Variants in CARS1 observed in about 807,000 individuals in gnomAD.
The protein encoded by CARS1 is cysteinyl-tRNA synthetase 1.
Under a neutral mutation model 106.2 loss-of-function variants are expected in CARS1, and 48 were observed. The observed-to-expected ratio is 0.45, with a 90% CI of 0.36 to 0.57. The LOEUF (loss-of-function observed/expected upper bound fraction) is 0.57, where lower values mean the gene tolerates loss of function less well. Ranked by LOEUF, CARS1 falls within the 20% of genes least tolerant of loss-of-function variation. The probability of loss-of-function intolerance (pLI) is 0.00; values close to 1 mark genes in which losing one functional copy is unlikely to be tolerated. For missense variants in CARS1, 968 were observed against 1,057.2 expected (o/e 0.92, Z 1.17); for synonymous variants, 409 against 403.4 (o/e 1.01, Z -0.17).
In CARS1 at chr11:3,039,289, T is replaced by C; in HGVS notation, c.556A>G (p.Ile186Val). The change falls in exon 6 of 23, where the codon ATC becomes GTC. Residue 186 changes from isoleucine to valine, a missense_variant. Transcript: ENST00000380525. This position sits in a 1 kb window ranked among gnomAD's most constrained non-coding sequence, Gnocchi z 5.6. ...AGGTGGTTCTGCCGGGCCCTCTTGATGATCTGGGGAGGGAAGGCAGACATT... is the reference window on the plus strand; with the variant it reads ...AGGTGGTTCTGCCGGGCCCTCTTGACGATCTGGGGAGGGAAGGCAGACATT... ...MNITDIDDKI[I>V]KRARQNHLFE... The C allele has an allele frequency of 6.2e-7, 1 of 1,605,948 alleles. No homozygotes were observed. The highest frequency in any genetic ancestry group is 2.2e-5 in the East Asian group (1 of 44,828).
In CARS1 at chr11:3,043,901, G is replaced by A. The variant is rs970360842; in HGVS notation, c.275-1645C>T. Among the ~76,000 whole-genome samples the A allele has an allele frequency of 4.6e-5, 7 of 152,190 alleles. No homozygotes were observed. The highest frequency in any genetic ancestry group is 1.7e-4 in the African/African-American group (7 of 41,450). On this transcript the variant is annotated intron_variant, in intron 2 of 22. Transcript: ENST00000380525. The surrounding 1 kb of genome is among the most constrained non-coding windows in gnomAD (Gnocchi z 4.0). ...TGCTCAGCAGGAGCCCCCACTCTAG[G>A]TGAGTTCCAGTGGTCACAGGTGGTC...
At position 3,002,773 on chromosome 11, in the gene CARS1, C is replaced by T. The variant is rs529518328; in HGVS notation, c.2218-173G>A. On this transcript the variant is annotated intron_variant, in intron 20 of 22. Coordinates refer to ENST00000380525, the MANE Select transcript of CARS1 (RefSeq NM_001014437.3). ...CAAGCCCATGTGCCGGGCAGCACAC[C>T]GACCCTCTTCCATTCCCTTTGGGGA... Among the ~76,000 whole-genome samples, 27 of 152,250 alleles carry T rather than the reference C, an allele frequency of 1.8e-4. No individual in the cohort carries two copies. In the South Asian group the frequency reaches 5.0e-3, roughly 28 times the overall value.
At chr11:3,056,666 C>T (rs1856232101) in intron 1 of CARS1, among the ~76,000 whole-genome samples, 1 of 152,200 alleles carries the variant, frequency 6.6e-6, no homozygotes, top group Admixed American at 6.5e-5. Context: ...GCCCCATTTC[C>T]CTAAATACCA....
rs990570191 is a variant in CARS1 at position 3,008,625 on chromosome 11, A to G, written c.2069-1666T>C. On this transcript the variant is annotated intron_variant, in intron 18 of 22. Transcript: ENST00000380525. This position sits in a 1 kb window ranked among gnomAD's most constrained non-coding sequence, Gnocchi z 5.1. The stretch of plus-strand genomic sequence containing the variant: ...AGGGCAAGACTCCATCTCAAAAAAA[A>G]AAAAAAAAAATTGCATATCCTTGGG... 1.3e-5 allele frequency: 2 copies of G among 152,092 alleles called. No individual in the cohort carries two copies. The highest frequency in any genetic ancestry group is 2.9e-5 in the Non-Finnish European group (2 of 68,082). The allele number at this position is 152,092 out of a possible 1,614,324, so 9.4% of individuals were successfully genotyped here. A position where few individuals can be genotyped will look rare whatever the true frequency, so the allele number is the denominator to read the frequency against.
Position 3,047,967 on chromosome 11 carries a change from G to A in CARS1, c.60C>T (p.Asp20=), listed in dbSNP as rs763700330. The change falls in exon 2 of 23, where the codon GAC becomes GAT. Residue 20 remains aspartate (D), a synonymous_variant. Transcript: ENST00000380525. ...PDYRSILSIS[D]EAARAQALNE... ...TCAGGGCTTGTGCCCTGGCTGCCTCGTCACTAATGCTCAGAATGGACCTGT... is the reference window on the plus strand; with the variant it reads ...TCAGGGCTTGTGCCCTGGCTGCCTCATCACTAATGCTCAGAATGGACCTGT... The A allele has an allele frequency of 9.9e-6, 16 of 1,614,106 alleles. 1 individual carries two copies. The highest frequency in any genetic ancestry group is 3.3e-4 in the Middle Eastern group (2 of 6,062).
rs2134180008 is a variant in CARS1, at chr11:3,026,245, CACAG to C, written c.1153+427_1153+430del. ...AGAGGTTGGTTTCTAGGCACAAACA[CACAG>C]ACAGAAAGAATAGGTTCTTGTGGTC... On this transcript the variant is annotated intron_variant, in intron 10 of 22. Coordinates refer to ENST00000380525, the MANE Select transcript of CARS1 (RefSeq NM_001014437.3). Among the ~76,000 whole-genome samples the C allele has an allele frequency of 1.3e-5, 2 of 152,270 alleles. 1 individual carries two copies. Among genetic ancestry groups the C allele is most frequent in the South Asian group, 4.1e-4 (2 of 4,826 alleles).
At position 3,038,301 on chromosome 11, in the gene CARS1, C is replaced by T. The variant is rs977279338; in HGVS notation, c.652-102G>A. ...GAAAACAGAACGGTTTTTCCCATGGCCCCATAGAGATAGAGAAGTGTGCAA... is the reference window on the plus strand; with the variant it reads ...GAAAACAGAACGGTTTTTCCCATGGTCCCATAGAGATAGAGAAGTGTGCAA... On this transcript the variant is annotated intron_variant, in intron 6 of 22. Coordinates refer to ENST00000380525, the MANE Select transcript of CARS1 (RefSeq NM_001014437.3). The surrounding 1 kb of genome is among the most constrained non-coding windows in gnomAD (Gnocchi z 4.0). The T allele has an allele frequency of 9.0e-7, 1 of 1,108,650 alleles. No individual in the cohort carries two copies. Among genetic ancestry groups the T allele is most frequent in the Non-Finnish European group, 1.3e-6 (1 of 751,432 alleles). 68.7% of individuals were successfully genotyped at this position (1,108,650 alleles called of 1,614,324 possible). A position where few individuals can be genotyped will look rare whatever the true frequency, so the allele number is the denominator to read the frequency against.
rs557676984 is a variant in CARS1, at chr11:3,043,188, C to T, written c.275-932G>A. 3.3e-5 allele frequency among the ~76,000 whole-genome samples: 5 copies of T among 152,282 alleles called. No individual in the cohort carries two copies. Among genetic ancestry groups the T allele is most frequent in the East Asian group, 1.9e-4 (1 of 5,182 alleles). On this transcript the variant is annotated intron_variant, in intron 2 of 22. Coordinates refer to ENST00000380525, the MANE Select transcript of CARS1 (RefSeq NM_001014437.3). The surrounding 1 kb of genome is among the most constrained non-coding windows in gnomAD (Gnocchi z 4.0). ...CTGCTCTGAGCACACTGCTTCCAGG[C>T]CTGGCTTCCAACCTGGCACAAGGCT...
intron 2 of CARS1, 160 bp from the exon 3 acceptor site, chr11:3,042,416 A>G: frequency 1.7e-6 from 1 of 582,518 alleles, no homozygotes; most frequent in Non-Finnish European, 3.0e-6. Flanking sequence ...TACGCAGGTC[A>G]AAGACAACTG....
Position 3,033,827 on chromosome 11 carries a change from G to A in CARS1, c.801+4223C>T, listed in dbSNP as rs539454808. Among the ~76,000 whole-genome samples, 104 of 152,336 alleles carry A rather than the reference G, an allele frequency of 6.8e-4. 1 individual carries two copies. In the South Asian group the frequency reaches 0.021, roughly 31 times the overall value. ...TCTTACATGGAACTTGACAAGCTGA[G>A]GCTTCAAAACACACCTAACGACAAA... On this transcript the variant is annotated intron_variant, in intron 7 of 22. Transcript: ENST00000380525.
In CARS1 at chr11:3,038,460, T is replaced by C. The variant is rs537364636; in HGVS notation, c.652-261A>G. 3.9e-5 allele frequency among the ~76,000 whole-genome samples: 6 copies of C among 152,074 alleles called. No homozygotes were observed. The highest frequency in any genetic ancestry group is 8.8e-5 in the Non-Finnish European group (6 of 68,002). On this transcript the variant is annotated intron_variant, in intron 6 of 22. Coordinates refer to ENST00000380525, the MANE Select transcript of CARS1 (RefSeq NM_001014437.3). The surrounding 1 kb of genome is among the most constrained non-coding windows in gnomAD (Gnocchi z 4.0). ...GTGCCTCAGTTTCTCCAATGCAAAT[T>C]GGGTGTGAGAGCAGTATTTCTAGGG...
rs1198788445 is a variant in CARS1 at position 3,038,043 on chromosome 11, G to T, written c.801+7C>A. On this transcript the variant is annotated splice_region_variant and intron_variant, in intron 7 of 22. Coordinates refer to ENST00000380525, the MANE Select transcript of CARS1 (RefSeq NM_001014437.3). The surrounding 1 kb of genome is among the most constrained non-coding windows in gnomAD (Gnocchi z 4.0). Reference sequence around the variant, plus strand: ...ACGGGCTGTCTGGGAGATGTGTGAAGCCTCACCTCCACACAGCTGTTGACT... The same window carrying T: ...ACGGGCTGTCTGGGAGATGTGTGAATCCTCACCTCCACACAGCTGTTGACT... 2 of 1,609,646 alleles carry T rather than the reference G, an allele frequency of 1.2e-6. No homozygotes were observed. Among genetic ancestry groups the T allele is most frequent in the East Asian group, 4.5e-5 (2 of 44,756 alleles).
chr11:3,050,566 C>T lies in CARS1; in HGVS notation c.26-2565G>A, dbSNP rs1855566660. 1.3e-5 allele frequency among the ~76,000 whole-genome samples: 2 copies of T among 152,248 alleles called. No homozygotes were observed. Among genetic ancestry groups the T allele is most frequent in the African/African-American group, 4.8e-5 (2 of 41,458 alleles). ...TGGCTCTCCCCTCACAGCCACAGGCCTCCAGCGGCCCTGCTGAAAAGCGCA... is the reference window on the plus strand; with the variant it reads ...TGGCTCTCCCCTCACAGCCACAGGCTTCCAGCGGCCCTGCTGAAAAGCGCA... On this transcript the variant is annotated intron_variant, in intron 1 of 22. Transcript: ENST00000380525. This position sits in a 1 kb window ranked among gnomAD's most constrained non-coding sequence, Gnocchi z 6.3.
chr11:3,018,822 G>A, intron 12 of CARS1, 73 bp from the exon 13 acceptor site: 1 of 1,547,476 alleles, frequency 6.5e-7, no homozygotes, highest in Non-Finnish European at 8.7e-7. Context: ...TGCACTGTCT[G>A]CTGCCTTGTT....
Position 3,015,804 on chromosome 11 carries a change from C to G in CARS1, c.1963G>C (p.Gly655Arg). 2 of 1,614,138 alleles carry G rather than the reference C, an allele frequency of 1.2e-6. No individual in the cohort carries two copies. The highest frequency in any genetic ancestry group is 1.7e-6 in the Non-Finnish European group (2 of 1,180,018). Reference sequence around the variant, plus strand: ...ACACTGAGGCTGGTTCCAGGCCCTCCGACCGGGAATCCCAGGGAGCTGTCC... The same window carrying G: ...ACACTGAGGCTGGTTCCAGGCCCTCGGACCGGGAATCCCAGGGAGCTGTCC... The part of the protein sequence containing the change: ...EEDSSLGFPV[G>R]GPGTSLSLEA... The change falls in exon 17 of 23, where the codon GGA (glycine) becomes CGA (arginine). Residue 655 changes from glycine (G) to arginine (R), a missense_variant. By Grantham distance (125) the Gly-to-Arg change is moderately radical (BLOSUM62 -2). Transcript: ENST00000380525.
intron 21 of CARS1, chr11:3,002,317 C>T: frequency 1.3e-6 from 1 of 752,222 alleles, no homozygotes; most frequent in Non-Finnish European, 2.2e-6. Flanking sequence ...TGTCTTGGAG[C>T]TTGTGACCAC....
At position 3,043,093 on chromosome 11, in the gene CARS1, C is replaced by A. The variant is rs911540475; in HGVS notation, c.275-837G>T. 5.9e-5 allele frequency among the ~76,000 whole-genome samples: 9 copies of A among 152,224 alleles called. No homozygotes were observed. The highest frequency in any genetic ancestry group is 1.2e-4 in the Non-Finnish European group (8 of 68,034). ...CAGAGACCCCTGCCAGCCAGCCCCT[C>A]AGTGCAGTCACCTCCTCCTGGCCAG... On this transcript the variant is annotated intron_variant, in intron 2 of 22. Coordinates refer to ENST00000380525, the MANE Select transcript of CARS1 (RefSeq NM_001014437.3). The surrounding 1 kb of genome is among the most constrained non-coding windows in gnomAD (Gnocchi z 4.0).
At position 3,040,961 on chromosome 11, in the gene CARS1, C is replaced by T; in HGVS notation, c.390G>A (p.Gly130=). The T allele has an allele frequency of 6.2e-7, 1 of 1,614,174 alleles. No individual in the cohort carries two copies. Among genetic ancestry groups the T allele is most frequent in the East Asian group, 2.2e-5 (1 of 44,880 alleles). ...CACAGCAATACCACGTCACCTTTTT[C>T]CCATCTTGAGGTATGAACACTTCCT... ...RNKEVFIPQD[G]KKVTWYCCGP... is the part of the protein sequence containing the mutation. The change falls in exon 4 of 23, where the codon GGG becomes GGA. Residue 130 remains glycine (G), a synonymous_variant. Coordinates refer to ENST00000380525, the MANE Select transcript of CARS1 (RefSeq NM_001014437.3). The surrounding 1 kb of genome is among the most constrained non-coding windows in gnomAD (Gnocchi z 5.8).
Position 3,047,916 on chromosome 11 carries a change from AT to A in CARS1, c.110del (p.Tyr37LeufsTer37). Reference protein sequence around the residue: ...ALNEHLSTRSYVQGYSLSQAD... With the variant: ...ALNEHLSTRSXVQGYSLSQAD... ...CCTGGGACAGTGAGTACCCCTGGAC[AT>A]AGCTACGCGTGCTGAGGTGCTCGTT... On this transcript the variant is annotated frameshift_variant, in exon 2 of 23. Coordinates refer to ENST00000380525, the MANE Select transcript of CARS1 (RefSeq NM_001014437.3). LOFTEE classifies it high-confidence loss of function. 2 of 1,614,172 alleles carry A rather than the reference AT, an allele frequency of 1.2e-6. No individual in the cohort carries two copies. The highest frequency in any genetic ancestry group is 1.7e-6 in the Non-Finnish European group (2 of 1,180,030).
Sources: gnomAD v4.1 joint callset for allele counts (sites outside exome capture counted in the v4.1 genomes callset) on GRCh38, gnomAD v4.1.1 for gene constraint, Gnocchi (gnomAD v3.1) non-coding constraint, MANE v1.5 for transcripts, NCBI Gene and HGNC (gene_info 2026-07-23, HGNC 2026-07-21) for gene names.